SLC2A7: variants seen among roughly 807,000 people sequenced by gnomAD.
SLC2A7 encodes solute carrier family 2 member 7, also known as solute carrier family 2, facilitated glucose transporter member 7.
A neutral mutation model predicts 50.5 loss-of-function variants in SLC2A7; 50 were observed. The observed-to-expected ratio is 0.99, with a 90% CI of 0.79 to 1.25. The LOEUF is 1.25. Among genes scored for constraint, SLC2A7 ranks in the 50% most tolerant of loss-of-function variants. The pLI is 0.00. For synonymous variants in SLC2A7, 308 were observed against 300.4 expected (o/e 1.03, Z -0.26); for missense variants, 683 against 679.1 (o/e 1.01, Z -0.06).
the SLC2A7 span, among the ~76,000 whole-genome samples, chr1:8,996,937 G>A: frequency 1.1e-4 from 16 of 151,988 alleles, no homozygotes; most frequent in African/African-American, 1.4e-4. Flanking sequence ...CACCACGCCC[G>A]GCTAATTTTG....
At chr1:8,995,173 G>T in the SLC2A7 span, among the ~76,000 whole-genome samples, 1 of 151,728 alleles carries the variant, frequency 6.6e-6, no homozygotes, top group African/African-American at 2.4e-5. Flanking sequence ...TATTGGCCAG[G>T]TGTGGTGGCT....
At chr1:9,004,923 T>G (rs750664252) in intron 10 of SLC2A7, 44 bp from the exon 11 acceptor site, 42 of 1,595,966 alleles carry the variant, frequency 2.6e-5, no homozygotes, top group Non-Finnish European at 3.6e-5. Flanking sequence ...AGGACCCAGG[T>G]GTCCCCCAGG....
At chr1:9,023,521 G>T (rs2124267703) in intron 2 of SLC2A7, among the ~76,000 whole-genome samples, 1 of 152,188 alleles carries the variant, frequency 6.6e-6, no homozygotes, top group African/African-American at 2.4e-5. Flanking sequence ...GCAGGAGAAT[G>T]GCGTGAACCT....
At chr1:8,993,428 C>T in the SLC2A7 span, among the ~76,000 whole-genome samples, 6 of 152,138 alleles carry the variant, frequency 3.9e-5, no homozygotes, top group South Asian at 2.1e-4. Context: ...ATCCACATGG[C>T]TGCAATTTAA....
chr1:9,022,992 G>C lies in SLC2A7; in HGVS notation c.237C>G (p.Cys79Trp), dbSNP rs759637723. The C allele has an allele frequency of 1.2e-6, 2 of 1,614,180 alleles. No individual in the cohort carries two copies. Among genetic ancestry groups the C allele is most frequent in the Non-Finnish European group, 1.7e-6 (2 of 1,180,014 alleles). Residue 79 changes from cysteine to tryptophan, a missense_variant, in exon 3 of 12, where the codon TGC becomes TGG. Coordinates refer to ENST00000400906, the MANE Select transcript of SLC2A7 (RefSeq NM_207420.3). ...DGKLMLLLWS[C>W]TVSMFPLGGL... ...CGCCCAGAGGAAACATGGAGACGGTGCAAGACCATAGAAGCAGCATGAGCT... is the reference window on the plus strand; with the variant it reads ...CGCCCAGAGGAAACATGGAGACGGTCCAAGACCATAGAAGCAGCATGAGCT...
downstream of SLC2A7, among the ~76,000 whole-genome samples, chr1:9,000,430 C>T (rs537621018): frequency 6.6e-6 from 1 of 151,918 alleles, no homozygotes; most frequent in Admixed American, 6.6e-5. Flanking sequence ...ACCAGCCTGG[C>T]CAACATGGTA....
intron 8 of SLC2A7, among the ~76,000 whole-genome samples, chr1:9,010,567 AGGCTGGTCTCGAACTCCT>A (rs570384830): frequency 3.5e-4 from 54 of 152,278 alleles, no homozygotes; most frequent in South Asian, 3.1e-3. Context: ...CATGTTGGCC[AGGCTGGTCTCGAACTCCT>A]GGCCTCAAGT....
intron 7 of SLC2A7, among the ~76,000 whole-genome samples, 160 bp from the exon 8 acceptor site, chr1:9,013,795 C>T (rs567541788): frequency 5.9e-5 from 9 of 152,168 alleles, no homozygotes; most frequent in African/African-American, 1.4e-4. Context: ...GACCTGGAGT[C>T]GGGACACCAG....
At chr1:8,998,496 T>C (rs1262976750), downstream of SLC2A7, among the ~76,000 whole-genome samples, 7 of 152,212 alleles carry the variant, frequency 4.6e-5, no homozygotes. Context: ...TGTTCACTAT[T>C]ATTGCGTTAA....
intron 11 of SLC2A7, among the ~76,000 whole-genome samples, chr1:9,003,909 C>T (rs550726671): frequency 1.7e-4 from 26 of 151,790 alleles, no homozygotes; most frequent in Middle Eastern, 3.4e-3. Flanking sequence ...ATAACCAATG[C>T]TGGTCGAGGC....
In SLC2A7 at chr1:9,009,941, T is replaced by C. The variant is rs143166490; in HGVS notation, c.1116+202A>G. On this transcript the variant is annotated intron_variant, in intron 9 of 11. Transcript: ENST00000400906. ...GCTGGACCATCTATCCGGTTACTTA[T>C]TTGCATGTGCAGGTGTAGGTAAATG... Among the ~76,000 whole-genome samples the C allele has an allele frequency of 2.6e-4, 40 of 152,394 alleles. No homozygotes were observed. The East Asian group carries it at 7.5e-3, about 29-fold the overall frequency.
chr1:9,009,352 C>T (rs561016028), intron 9 of SLC2A7, among the ~76,000 whole-genome samples: 59 of 152,342 alleles, frequency 3.9e-4, no homozygotes, highest in African/African-American at 1.3e-3. Context: ...TTCCGTAGAA[C>T]GTGGATAATA....
rs1310235608 is a variant in SLC2A7 at position 9,015,183 on chromosome 1, G to A, written c.649C>T (p.Pro217Ser). Residue 217 changes from proline (P) to serine (S), a missense_variant, in exon 6 of 12, where the codon CCC (proline) becomes TCC (serine). Physicochemically the swap from Pro to Ser is moderately conservative, Grantham distance 74. Transcript: ENST00000400906. The part of the protein sequence containing the change: ...VPALLQLLTL[P>S]FFPESPRYSL... Reference sequence around the variant, plus strand: ...TAGCGGGGGCTTTCGGGGAAGAAGGGCAGGGTCAGCAGCTGCAGCAGGGCG... The same window carrying A: ...TAGCGGGGGCTTTCGGGGAAGAAGGACAGGGTCAGCAGCTGCAGCAGGGCG... 3 of 1,611,762 alleles carry A rather than the reference G, an allele frequency of 1.9e-6. No homozygotes were observed. The Admixed American group carries it at 5.0e-5, about 27-fold the overall frequency.
rs1234793629 is a variant in SLC2A7 at position 9,008,069 on chromosome 1, A to G, written c.1117-684T>C. On this transcript the variant is annotated intron_variant, in intron 9 of 11. Coordinates refer to ENST00000400906, the MANE Select transcript of SLC2A7 (RefSeq NM_207420.3). This position sits in a 1 kb window ranked among gnomAD's most constrained non-coding sequence, Gnocchi z 5.9. ...CTACCATTCTCTGGAGACTCCTAGG[A>G]CCCCCGGACCCGTGGAGCTGGCAGA... Among the ~76,000 whole-genome samples the G allele has an allele frequency of 6.6e-6, 1 of 151,264 alleles. No homozygotes were observed. Among genetic ancestry groups the G allele is most frequent in the Non-Finnish European group, 1.5e-5 (1 of 67,804 alleles).
At chr1:9,001,102 T>G (rs7516862), downstream of SLC2A7, among the ~76,000 whole-genome samples, 18,586 of 152,030 alleles carry the variant, frequency 0.12, 1,188 homozygotes, top group African/African-American at 0.17. Flanking sequence ...ATATGCAAAG[T>G]GACAAGCATG....
Position 9,014,423 on chromosome 1 carries a change from T to TAGCTAGCTAGACTAGCTAA in SLC2A7, c.903+257_903+258insTTAGCTAGTCTAGCTAGCT, listed in dbSNP as rs1216994244. On this transcript the variant is annotated intron_variant, in intron 7 of 11. Transcript: ENST00000400906. Reference sequence around the variant, plus strand: ...GCTCATCTCAGTCTAGCTGGTCTCTTGTATAGAAGGGAAAGGACTATTGGC... The same window carrying TAGCTAGCTAGACTAGCTAA: ...GCTCATCTCAGTCTAGCTGGTCTCTTAGCTAGCTAGACTAGCTAAGTATAGAAGGGAAAGGACTATTGGC... Among the ~76,000 whole-genome samples, 312 of 152,302 alleles carry TAGCTAGCTAGACTAGCTAA rather than the reference T, an allele frequency of 2.0e-3. 3 individuals are homozygous for TAGCTAGCTAGACTAGCTAA. The highest frequency in any genetic ancestry group is 3.1e-4 in the Non-Finnish European group (21 of 68,038).
chr1:9,010,434 C>T (rs2124245879), intron 8 of SLC2A7, among the ~76,000 whole-genome samples, 190 bp from the exon 9 acceptor site: 1 of 152,272 alleles, frequency 6.6e-6, no homozygotes, highest in African/African-American at 2.4e-5. Flanking sequence ...TCTCAGCTCA[C>T]TGCAACCTCT....
In SLC2A7 at chr1:9,019,262, G is replaced by C; in HGVS notation, c.383C>G (p.Ala128Gly). 1 of 1,614,112 alleles carries C rather than the reference G, an allele frequency of 6.2e-7. No homozygotes were observed. Among genetic ancestry groups the C allele is most frequent in the African/African-American group, 1.3e-5 (1 of 75,028 alleles). Residue 128 changes from alanine to glycine, a missense_variant, in exon 4 of 12, where the codon GCC becomes GGC. By Grantham distance (60) the Ala-to-Gly change is moderately conservative. Coordinates refer to ENST00000400906, the MANE Select transcript of SLC2A7 (RefSeq NM_207420.3). Reference sequence around the variant, plus strand: ...AAAGACGATCAGCTCAAAAGCCTTGGCCACTTTGCTGACTCCCATCAGGAT... The same window carrying C: ...AAAGACGATCAGCTCAAAAGCCTTGCCCACTTTGCTGACTCCCATCAGGAT... ...PAILMGVSKV[A>G]KAFELIVFSR...
chr1:9,007,352 T>C lies in SLC2A7; in HGVS notation c.1150A>G (p.Ile384Val). ...RVPELSYLGI[I>V]CVFAYIAGHS... The stretch of plus-strand genomic sequence containing the variant: ...CCCGCGATGTAGGCAAAGACACAGA[T>C]GATGCCGAGGTAGGACAGCTCGGGG... Residue 384 changes from isoleucine (I) to valine (V), a missense_variant, in exon 10 of 12, where the codon ATC becomes GTC. Physicochemically the swap from Ile to Val is conservative, Grantham distance 29. Transcript: ENST00000400906. 1 of 1,614,180 alleles carries C rather than the reference T, an allele frequency of 6.2e-7. No individual in the cohort carries two copies.
Sources: allele counts gnomAD v4.1 joint callset (sites outside exome capture counted in the v4.1 genomes callset), GRCh38; gene constraint gnomAD v4.1.1; non-coding constraint Gnocchi (gnomAD v3.1); transcripts MANE v1.5; gene names NCBI Gene and HGNC (gene_info 2026-07-23, HGNC 2026-07-21).